AP2A1: variants seen among roughly 807,000 people sequenced by gnomAD.
The protein encoded by AP2A1 is AP-2 complex subunit alpha-1.
A neutral mutation model predicts 107.3 loss-of-function variants in AP2A1; 21 were observed. The observed-to-expected ratio is 0.20, with a 90% CI of 0.14 to 0.28. AP2A1 has a LOEUF of 0.28. Ranked by LOEUF, AP2A1 falls within the 10% of genes least tolerant of loss-of-function variation. The pLI is 1.00. For synonymous variants in AP2A1, 602 were observed against 564.8 expected, an observed-to-expected ratio of 1.07 and a Z score of -0.93; for missense variants, 873 against 1,307.7, an observed-to-expected ratio of 0.67 and a Z score of 5.13.
intron 1 of AP2A1, among the ~76,000 whole-genome samples, chr19:49,779,462 C>T (rs894854971): frequency 7.1e-6 from 1 of 140,554 alleles, no homozygotes; most frequent in African/African-American, 2.7e-5. Context: ...GCCGAGATTG[C>T]ACCACTGCAC....
chr19:49,792,641 T>C (rs1023259629), intron 5 of AP2A1, among the ~76,000 whole-genome samples: 1 of 150,556 alleles, frequency 6.6e-6, no homozygotes, highest in African/African-American at 2.4e-5. Flanking sequence ...TTCTAATACC[T>C]GGAGATTCCC....
chr19:49,769,395 C>T (rs555468143), intron 1 of AP2A1, among the ~76,000 whole-genome samples: 78 of 152,164 alleles, frequency 5.1e-4, no homozygotes, highest in African/African-American at 1.6e-3. Context: ...AGGAAATGGT[C>T]GGGAGAGGGA....
In AP2A1 at chr19:49,801,391, C is replaced by G; in HGVS notation, c.1555C>G (p.Pro519Ala). The G allele has an allele frequency of 6.2e-7, 1 of 1,612,816 alleles. No individual in the cohort carries two copies. Among genetic ancestry groups the G allele is most frequent in the Non-Finnish European group, 8.5e-7 (1 of 1,179,526 alleles). Residue 519 changes from proline (P) to alanine (A), a missense_variant and splice_region_variant, in exon 13 of 23, where the codon CCC becomes GCC. By Grantham distance (27) the Pro-to-Ala change is conservative. Coordinates refer to ENST00000354293, the MANE Select transcript of AP2A1 (RefSeq NM_130787.3). ...GCTGACACCCACTCCTGCACACAGC[C>G]CCCCAGTGCAGTTCTCCCTGCTCCA... ...NLIAGDPRSS[P>A]PVQFSLLHSK...
intron 4 of AP2A1, among the ~76,000 whole-genome samples, chr19:49,789,267 G>A (rs1174402930): frequency 6.6e-6 from 1 of 151,994 alleles, no homozygotes; most frequent in Non-Finnish European, 1.5e-5. Flanking sequence ...CTTACTCAAG[G>A]CTATGGCCAT....
intron 3 of AP2A1, 100 bp from the exon 4 acceptor site, chr19:49,782,431 C>T (rs1249105685): frequency 7.7e-7 from 1 of 1,305,516 alleles, no homozygotes; most frequent in East Asian, 2.6e-5. Flanking sequence ...ACTCCTGGGT[C>T]TGAGGTTGAA....
intron 1 of AP2A1, among the ~76,000 whole-genome samples, chr19:49,771,698 C>T (rs985820002): frequency 1.3e-5 from 2 of 152,122 alleles, no homozygotes; most frequent in African/African-American, 2.4e-5. Context: ...TGTGAGCCAC[C>T]GCGCCTGGCC....
chr19:49,794,425 C>A (rs2073185736), intron 6 of AP2A1, among the ~76,000 whole-genome samples: 1 of 151,320 alleles, frequency 6.6e-6, no homozygotes, highest in Non-Finnish European at 1.5e-5. Context: ...TGGTCTCAAA[C>A]TCCTGGCTTC....
At chr19:49,775,086 C>T (rs955489673) in intron 1 of AP2A1, among the ~76,000 whole-genome samples, 2 of 151,422 alleles carry the variant, frequency 1.3e-5, no homozygotes, top group African/African-American at 4.9e-5. Flanking sequence ...AAATTAGCCA[C>T]GCATGGTGGC....
chr19:49,790,395 A>T (rs1259057192), intron 4 of AP2A1, among the ~76,000 whole-genome samples: 1 of 152,090 alleles, frequency 6.6e-6, no homozygotes, highest in Non-Finnish European at 1.5e-5. Flanking sequence ...CCATCTCATG[A>T]TCCTTAACTT....
Position 49,805,654 on chromosome 19 carries a change from T to C in AP2A1, c.2469-7T>C. ...GGCCTAATGGAGCCTCCCTTTCACC[T>C]CATCAGGTACGGTGGCGCCCCCCAG... is the stretch of plus-strand genomic sequence containing the variant. On this transcript the variant is annotated splice_polypyrimidine_tract_variant and splice_region_variant and intron_variant, in intron 19 of 22. Transcript: ENST00000354293. 1 of 1,558,642 alleles carries C rather than the reference T, an allele frequency of 6.4e-7. No homozygotes were observed. The highest frequency in any genetic ancestry group is 8.7e-7 in the Non-Finnish European group (1 of 1,151,926).
At chr19:49,778,416 C>G (rs967704725) in intron 1 of AP2A1, among the ~76,000 whole-genome samples, 5 of 152,156 alleles carry the variant, frequency 3.3e-5, no homozygotes, top group African/African-American at 1.2e-4. Context: ...AACCTCGTCT[C>G]TACTAAAAAT....
chr19:49,801,910 C>G (rs2073286086), intron 14 of AP2A1, 21 bp downstream of exon 14: 1 of 1,463,026 alleles, frequency 6.8e-7, no homozygotes. Context: ...TGGGGTGGGC[C>G]CTGCCAGGGT....
At chr19:49,778,499 C>G (rs2084639625) in intron 1 of AP2A1, among the ~76,000 whole-genome samples, 1 of 152,206 alleles carries the variant, frequency 6.6e-6, no homozygotes, top group South Asian at 2.1e-4. Flanking sequence ...AGGAGAATCA[C>G]TTGAACCCAG....
At chr19:49,779,336 C>CAAAA (rs34194805) in intron 1 of AP2A1, among the ~76,000 whole-genome samples, 2 of 79,466 alleles carry the variant, frequency 2.5e-5, no homozygotes, top group African/African-American at 5.1e-5. Context: ...GACTCCGTCT[C>CAAAA]AAAAAAAAAA....
intron 4 of AP2A1, 97 bp downstream of exon 4, chr19:49,782,821 C>A: frequency 7.3e-7 from 1 of 1,371,436 alleles, no homozygotes; most frequent in South Asian, 1.4e-5. Flanking sequence ...TGCCCAAGGT[C>A]TCCCAGCCGA....
In AP2A1 at chr19:49,803,283, G is replaced by A; in HGVS notation, c.2255-4G>A. 1 of 1,613,884 alleles carries A rather than the reference G, an allele frequency of 6.2e-7. No homozygotes were observed. Among genetic ancestry groups the A allele is most frequent in the Non-Finnish European group, 8.5e-7 (1 of 1,179,862 alleles). On this transcript the variant is annotated splice_polypyrimidine_tract_variant and splice_region_variant and intron_variant, in intron 17 of 22. Transcript: ENST00000354293. ...TGGAGCTCTGCCTCCCCCACCTACT[G>A]CAGGCCGCATGTATCTCTTCTATGG...
rs1157577112 is a variant in AP2A1, at chr19:49,788,770, G to A, written c.474-3165G>A. 2.0e-5 allele frequency among the ~76,000 whole-genome samples: 3 copies of A among 152,220 alleles called. No homozygotes were observed. Among genetic ancestry groups the A allele is most frequent in the Non-Finnish European group, 4.4e-5 (3 of 68,044 alleles). On this transcript the variant is annotated intron_variant, in intron 4 of 22. Transcript: ENST00000354293. This position sits in a 1 kb window ranked among gnomAD's most constrained non-coding sequence, Gnocchi z 4.5. ...GGCTCGGGAGATGTGCGCTGTGACG[G>A]AGGTGGGAAAGTGCCGTCACAAATG...
At chr19:49,798,218 G>A (rs972789179) in intron 7 of AP2A1, among the ~76,000 whole-genome samples, 4 of 152,222 alleles carry the variant, frequency 2.6e-5, no homozygotes, top group African/African-American at 9.6e-5. Flanking sequence ...GTGAGCTGCT[G>A]GCTGGCATCT....
intron 1 of AP2A1, among the ~76,000 whole-genome samples, chr19:49,780,109 T>A (rs1039058249): frequency 2.6e-5 from 4 of 152,200 alleles, no homozygotes; most frequent in Admixed American, 2.0e-4. Flanking sequence ...TCAGAGCAGA[T>A]CTCTGCCCCT....
Sources: gnomAD v4.1 joint callset for allele counts (sites outside exome capture counted in the v4.1 genomes callset) on GRCh38, gnomAD v4.1.1 for gene constraint, Gnocchi (gnomAD v3.1) non-coding constraint, MANE v1.5 for transcripts, NCBI Gene and HGNC (gene_info 2026-07-23, HGNC 2026-07-21) for gene names.